The following CCDC33 variants were observed in gnomAD, a reference collection of about 807,000 sequenced individuals.
The protein encoded by CCDC33 is coiled-coil domain-containing protein 33.
CCDC33 carries 94 observed loss-of-function variants against 91.9 expected under a neutral mutation model. The ratio of observed to expected loss-of-function variants is 1.02; its 90% confidence interval spans 0.87 to 1.21. The LOEUF is 1.21. Among genes scored for constraint, CCDC33 ranks in the 50% most tolerant of loss-of-function variants. The pLI is 0.00. For missense variants in CCDC33, 940 were observed against 935.5 expected (o/e 1.00, Z -0.06); for synonymous variants, 396 against 374.5 (o/e 1.06, Z -0.66).
intron 11 of CCDC33, among the ~76,000 whole-genome samples, chr15:74,297,784 G>A (rs1038343018): frequency 6.6e-5 from 10 of 152,290 alleles, no homozygotes; most frequent in Non-Finnish European, 1.0e-4. Context: ...GAAGGGAAGA[G>A]AAAGAAGGCA....
chr15:74,265,672 A>T (rs1238040958), intron 3 of CCDC33, among the ~76,000 whole-genome samples: 3 of 152,254 alleles, frequency 2.0e-5, no homozygotes, highest in Non-Finnish European at 2.9e-5. Flanking sequence ...TAATCATGAC[A>T]GTCCCGCTCA....
At position 74,281,707 on chromosome 15, in the gene CCDC33, G is replaced by C. The variant is rs945066028; in HGVS notation, c.1024-71G>C. On this transcript the variant is annotated intron_variant, in intron 9 of 18. Coordinates refer to ENST00000398814, the MANE Select transcript of CCDC33 (RefSeq NM_025055.5). ...AGGTGACACCTTCCAGAGAAATCTA[G>C]AACAGTAGGTGGGGCAGAGGCGGAA... 5 of 1,356,614 alleles carry C rather than the reference G, an allele frequency of 3.7e-6. No individual in the cohort carries two copies. The African/African-American group carries it at 7.2e-5, about 19-fold the overall frequency. The allele number at this position is 1,356,614 out of a possible 1,614,324, so 84.0% of individuals were successfully genotyped here.
intron 11 of CCDC33, among the ~76,000 whole-genome samples, chr15:74,323,574 C>T (rs1257398495): frequency 6.6e-6 from 1 of 151,970 alleles, no homozygotes; most frequent in Non-Finnish European, 1.5e-5. Context: ...ATCACCCAGG[C>T]TGAAGTGCAG....
intron 16 of CCDC33, chr15:74,333,123 G>A (rs6495095): frequency 0.096 from 94,574 of 987,276 alleles, 5,902 homozygotes; most frequent in Middle Eastern, 0.22. Context: ...TTTTCACCTG[G>A]CTGGCCTCCA....
chr15:74,299,616 T>A (rs533601218), intron 11 of CCDC33: 2 of 152,358 alleles, frequency 1.3e-5, no homozygotes, highest in East Asian at 1.9e-4. Flanking sequence ...TCATGCCACC[T>A]TGCATCCAGC....
chr15:74,292,045 C>T (rs80130835), intron 10 of CCDC33, among the ~76,000 whole-genome samples: 1,746 of 152,332 alleles, frequency 0.011, 41 homozygotes, highest in African/African-American at 0.04. Flanking sequence ...TCTTAATGAA[C>T]CAGGATGTGC....
chr15:74,287,469 C>T (rs1036780977), intron 10 of CCDC33, among the ~76,000 whole-genome samples: 1 of 152,174 alleles, frequency 6.6e-6, no homozygotes, highest in Non-Finnish European at 1.5e-5. Flanking sequence ...CTCACCTGCT[C>T]AGGTTCTAGG....
chr15:74,270,999 G>A (rs771644723), intron 5 of CCDC33, among the ~76,000 whole-genome samples: 4 of 152,126 alleles, frequency 2.6e-5, no homozygotes, highest in Non-Finnish European at 5.9e-5. Context: ...AGTGACAACC[G>A]GGATCTGATG....
At chr15:74,211,153 GCACACACA>G (rs71137380) in intron 2 of CCDC33, among the ~76,000 whole-genome samples, 20,891 of 148,702 alleles carry the variant, frequency 0.14, 2,008 homozygotes, top group Non-Finnish European at 0.21. Flanking sequence ...GCACGCACAC[GCACACACA>G]CACACACACA....
At position 74,218,551 on chromosome 15, in the gene CCDC33, G is replaced by T. The variant is rs747067780; in HGVS notation, c.365G>T (p.Arg122Met). The change falls in exon 2 of 3, where the codon AGG (arginine) becomes ATG (methionine). Residue 122 changes from arginine (R) to methionine (M), a missense_variant. By Grantham distance (91) the Arg-to-Met change is moderately conservative. Transcript: ENST00000635913. This position sits in a 1 kb window ranked among gnomAD's most constrained non-coding sequence, Gnocchi z 4.8. ...GCTCAGCTGCATGTGGAGGCACTGA[G>T]GCTGGACGAACCCTTGGGACGGGCA... 23 of 1,289,622 alleles carry T rather than the reference G, an allele frequency of 1.8e-5. No individual in the cohort carries two copies. Among genetic ancestry groups the T allele is most frequent in the Non-Finnish European group, 6.1e-6 (6 of 988,854 alleles). The allele number at this position is 1,289,622 out of a possible 1,614,324, so 79.9% of individuals were successfully genotyped here. A position where few individuals can be genotyped will look rare whatever the true frequency, so the allele number is the denominator to read the frequency against.
rs780371171 is a variant in CCDC33 at position 74,332,771 on chromosome 15, G to A, written c.1864G>A (p.Ala622Thr). The change falls in exon 16 of 19, where the codon GCG (alanine) becomes ACG (threonine). Residue 622 changes from alanine (A) to threonine (T), a missense_variant. Ala to Thr is a moderately conservative substitution (Grantham distance 58, BLOSUM62 0). Coordinates refer to ENST00000398814, the MANE Select transcript of CCDC33 (RefSeq NM_025055.5). ...ELYSVLLAEN[A>T]KLRTELDKNR... Reference sequence around the variant, plus strand: ...TTACTCGGTGCTGCTGGCAGAAAACGCGAAGCTGCGGACGGAGCTGGATAA... The same window carrying A: ...TTACTCGGTGCTGCTGGCAGAAAACACGAAGCTGCGGACGGAGCTGGATAA... The A allele has an allele frequency of 1.4e-5, 22 of 1,614,106 alleles. No individual in the cohort carries two copies. Among genetic ancestry groups the A allele is most frequent in the Non-Finnish European group, 1.7e-5 (20 of 1,180,052 alleles).
intron 11 of CCDC33, among the ~76,000 whole-genome samples, chr15:74,327,732 G>A (rs764315191): frequency 1.3e-5 from 2 of 152,230 alleles, no homozygotes; most frequent in South Asian, 4.1e-4. Flanking sequence ...TGAATGAGAA[G>A]AGGGGGTGAT....
chr15:74,235,453 G>A (rs2075121658), upstream of CCDC33, among the ~76,000 whole-genome samples: 1 of 152,088 alleles, frequency 6.6e-6, no homozygotes, highest in African/African-American at 2.4e-5. Flanking sequence ...TCCAACTTGG[G>A]GCCCAAAATA....
At chr15:74,282,936 CTA>C (rs1596023297) in intron 10 of CCDC33, among the ~76,000 whole-genome samples, 1 of 152,194 alleles carries the variant, frequency 6.6e-6, no homozygotes, top group Non-Finnish European at 1.5e-5. Context: ...TTTGCAGGGA[CTA>C]ATGTCCGCGC....
At chr15:74,259,368 C>G (rs1286791260) in intron 2 of CCDC33, among the ~76,000 whole-genome samples, 2 of 152,060 alleles carry the variant, frequency 1.3e-5, no homozygotes, top group African/African-American at 2.4e-5. Flanking sequence ...GGGCTGGGAG[C>G]AGGGAGTGAG....
Position 74,295,823 on chromosome 15 carries a change from A to G in CCDC33, c.1165A>G (p.Lys389Glu), listed in dbSNP as rs2142606043. The G allele has an allele frequency of 6.2e-7, 1 of 1,614,198 alleles. No homozygotes were observed. The highest frequency in any genetic ancestry group is 8.5e-7 in the Non-Finnish European group (1 of 1,180,018). ...LPTLDPKILD[K>E]KLRTIQESWS... is the part of the protein sequence containing the mutation. ...TACCTTGGACCCCAAGATCCTGGAT[A>G]AGAAGCTGAGAACCATCCAAGAGTC... Residue 389 changes from lysine (K) to glutamate (E), a missense_variant, in exon 11 of 19, where the codon AAG (lysine) becomes GAG (glutamate). Physicochemically the swap from Lys to Glu is moderately conservative, Grantham distance 56. Transcript: ENST00000398814.
intron 1 of CCDC33, chr15:74,208,108 G>A (rs1260389438): frequency 3.5e-6 from 4 of 1,140,836 alleles, no homozygotes; most frequent in Non-Finnish European, 4.4e-6. Context: ...GTGAGGAGGA[G>A]GAGGGTAGCC....
At chr15:74,207,807 C>T in intron 1 of CCDC33, 1 of 1,535,594 alleles carries the variant, frequency 6.5e-7, no homozygotes, top group East Asian at 2.4e-5. Context: ...CACTCACACA[C>T]ACATCCAACT....
intron 11 of CCDC33, chr15:74,318,577 G>A (rs2060141231): frequency 2.8e-6 from 2 of 726,920 alleles, no homozygotes; most frequent in Non-Finnish European, 5.0e-6. Context: ...GAACAGGACT[G>A]CTAGCAGTAA....
Sources: allele counts gnomAD v4.1 joint callset (sites outside exome capture counted in the v4.1 genomes callset), GRCh38; gene constraint gnomAD v4.1.1; non-coding constraint Gnocchi (gnomAD v3.1); transcripts MANE v1.5; gene names NCBI Gene and HGNC (gene_info 2026-07-23, HGNC 2026-07-21).